Variants in G3BP2 observed in about 807,000 individuals in gnomAD.
G3BP2 encodes the protein G3BP stress granule assembly factor 2, also known as ras GTPase-activating protein-binding protein 2.
G3BP2 carries 11 observed loss-of-function variants against 56.7 expected under a neutral mutation model. That is an observed-to-expected ratio of 0.19 (90% CI 0.12 to 0.32). The LOEUF is 0.32. Ranked by LOEUF, G3BP2 falls within the 10% of genes least tolerant of loss-of-function variation. The probability of loss-of-function intolerance (pLI) is 1.00; values close to 1 mark genes in which losing one functional copy is unlikely to be tolerated. For synonymous variants in G3BP2, 165 were observed against 191.6 expected (o/e 0.86, Z 1.15); for missense variants, 340 against 610.9 (o/e 0.56, Z 4.67).
In G3BP2 at chr4:75,643,082, G is replaced by C. The variant is rs1730959468; in HGVS notation, c.*2348C>G. 6.6e-6 allele frequency: 1 copy of C among 152,264 alleles called. No homozygotes were observed. Among genetic ancestry groups the C allele is most frequent in the African/African-American group, 2.4e-5 (1 of 41,350 alleles). 9.4% of individuals were successfully genotyped at this position (152,264 alleles called of 1,614,324 possible). On this transcript the variant is annotated 3_prime_UTR_variant, in exon 12 of 12. Transcript: ENST00000359707. ...TATTTTTACTCTGTTTCACTGAAAA[G>C]AGGACAAAATGTTAAAACTCCACAG...
At chr4:75,706,326 G>C (rs1212878566) in intron 3 of G3BP2, among the ~76,000 whole-genome samples, 1 of 152,096 alleles carries the variant, frequency 6.6e-6, no homozygotes, top group South Asian at 2.1e-4. Context: ...TGATCCTCCC[G>C]CCTTGGCCTC....
At chr4:75,655,449 A>T (rs1465008737) in intron 6 of G3BP2, among the ~76,000 whole-genome samples, 1 of 152,214 alleles carries the variant, frequency 6.6e-6, no homozygotes, top group Non-Finnish European at 1.5e-5. Flanking sequence ...CCACCATTTC[A>T]AAACTGAATT....
chr4:75,643,231 T>C lies in G3BP2; in HGVS notation c.*2199A>G, dbSNP rs930966791. On this transcript the variant is annotated 3_prime_UTR_variant, in exon 12 of 12. Transcript: ENST00000359707. ...ACTTTTCTATTATTACACTTAACAT[T>C]TGTCATTACTTTTGGTGCCAGAACA... 3.4e-5 allele frequency: 5 copies of C among 148,430 alleles called. No individual in the cohort carries two copies. The highest frequency in any genetic ancestry group is 1.5e-5 in the Non-Finnish European group (1 of 67,012). 9.2% of individuals were successfully genotyped at this position (148,430 alleles called of 1,614,324 possible). A position where few individuals can be genotyped will look rare whatever the true frequency, so the allele number is the denominator to read the frequency against.
chr4:75,687,101 C>T (rs554666138), intron 3 of G3BP2, among the ~76,000 whole-genome samples: 91 of 152,072 alleles, frequency 6.0e-4, no homozygotes, highest in African/African-American at 2.1e-3. Flanking sequence ...TACATAAAAG[C>T]AGTATTTTTT....
At chr4:75,656,292 C>A (rs1732108776) in intron 5 of G3BP2, among the ~76,000 whole-genome samples, 1 of 58,648 alleles carries the variant, frequency 1.7e-5, no homozygotes, top group Admixed American at 1.3e-4. Context: ...GCGCTCGGCT[C>A]CAATTTTTTT....
chr4:75,673,246 T>A lies in G3BP2; in HGVS notation c.-63A>T, dbSNP rs903361252. 23 of 1,219,970 alleles carry A rather than the reference T, an allele frequency of 1.9e-5. No individual in the cohort carries two copies. In the South Asian group the frequency reaches 9.0e-4, roughly 48 times the overall value. The allele number at this position is 1,219,970 out of a possible 1,614,324, so 75.6% of individuals were successfully genotyped here. On this transcript the variant is annotated 5_prime_UTR_variant, in exon 1 of 12. Transcript: ENST00000359707. ...CGGCGGCGGGTACGTCGCGCGGAGG[T>A]CAGAAGAGTCGCTGAGGACCGGGTG...
At chr4:75,674,711 TATATA>T (rs1189080315), upstream of G3BP2, among the ~76,000 whole-genome samples, 1,307 of 48,772 alleles carry the variant, frequency 0.027, 23 homozygotes, top group African/African-American at 0.082. Context: ...TATATATATA[TATATA>T]TATTTTTTTT....
intron 10 of G3BP2, among the ~76,000 whole-genome samples, chr4:75,646,749 C>T (rs1414874022): frequency 6.6e-6 from 1 of 151,988 alleles, no homozygotes; most frequent in Admixed American, 6.6e-5. Flanking sequence ...ATATATTGAC[C>T]CATTTGCCAA....
chr4:75,723,446 GAGA>G (rs887323327), intron 1 of G3BP2, among the ~76,000 whole-genome samples: 7 of 152,316 alleles, frequency 4.6e-5, no homozygotes, highest in Admixed American at 4.6e-4. Flanking sequence ...GAGAAATGAT[GAGA>G]AGAACATAAT....
At chr4:75,711,429 G>C (rs960871967) in intron 3 of G3BP2, among the ~76,000 whole-genome samples, 4 of 151,226 alleles carry the variant, frequency 2.6e-5, no homozygotes, top group Non-Finnish European at 5.9e-5. Flanking sequence ...ATAAAGGAAA[G>C]GGGCAGGGCA....
intron 1 of G3BP2, among the ~76,000 whole-genome samples, chr4:75,672,148 A>C (rs1733536348): frequency 6.6e-6 from 1 of 152,190 alleles, no homozygotes. Flanking sequence ...TTCCAGCTAA[A>C]AGTGCAAGTG....
At position 75,659,940 on chromosome 4, in the gene G3BP2, C is replaced by A. The variant is rs532442081; in HGVS notation, c.96-1016G>T. Among the ~76,000 whole-genome samples the A allele has an allele frequency of 2.0e-5, 3 of 152,280 alleles. No homozygotes were observed. The South Asian group carries it at 6.2e-4, about 32-fold the overall frequency. On this transcript the variant is annotated intron_variant, in intron 2 of 11. Transcript: ENST00000359707. Reference sequence around the variant, plus strand: ...TACACATGAAAAGCCTCAGAATGATCATCTCTTTGATGCATTAATTCTTCC... The same window carrying A: ...TACACATGAAAAGCCTCAGAATGATAATCTCTTTGATGCATTAATTCTTCC...
At position 75,658,984 on chromosome 4, in the gene G3BP2, T is replaced by C. The variant is rs1470073088; in HGVS notation, c.96-60A>G. The C allele has an allele frequency of 3.9e-6, 5 of 1,286,318 alleles. 1 individual carries two copies. In the Middle Eastern group the frequency reaches 5.5e-4, roughly 142 times the overall value. The allele number at this position is 1,286,318 out of a possible 1,614,324, so 79.7% of individuals were successfully genotyped here. On this transcript the variant is annotated intron_variant, in intron 2 of 11. Transcript: ENST00000359707. ...GTCAAGAGAAGCCTAAGAAGCAGAA[T>C]TCTGGTGTCATAGACTAGGTTCCGG... is the stretch of plus-strand genomic sequence containing the variant.
intron 3 of G3BP2, among the ~76,000 whole-genome samples, chr4:75,697,937 C>G (rs1719189450): frequency 6.6e-6 from 1 of 151,604 alleles, no homozygotes; most frequent in Non-Finnish European, 1.5e-5. Context: ...TCATCTCAAA[C>G]AAACAAACAA....
chr4:75,651,065 A>C (rs1578382155), intron 8 of G3BP2, among the ~76,000 whole-genome samples: 1 of 152,242 alleles, frequency 6.6e-6, no homozygotes, highest in Non-Finnish European at 1.5e-5. Flanking sequence ...TTGGGGTTTA[A>C]TTCTATATAA....
chr4:75,673,488 T>A, upstream of G3BP2: 1 of 1,231,910 alleles, frequency 8.1e-7, no homozygotes, highest in Non-Finnish European at 1.0e-6. Context: ...GAGCACAGCG[T>A]CAGCCAATCA....
chr4:75,689,369 C>G (rs1578431297), intron 3 of G3BP2, among the ~76,000 whole-genome samples: 2 of 150,198 alleles, frequency 1.3e-5, no homozygotes, highest in Non-Finnish European at 3.0e-5. Flanking sequence ...GAGCAAGACT[C>G]CATCTCAAAA....
In G3BP2 at chr4:75,647,099, A is replaced by G. The variant is rs1268375646; in HGVS notation, c.987T>C (p.Asp329=). The part of the protein sequence containing the change: ...SDNRRIIRYP[D]SHQLFVGNLP... Reference sequence around the variant, plus strand: ...AGTTACCAACAAAAAGTTGATGACTATCTGGATAGCGAATTATTCTACGGT... The same window carrying G: ...AGTTACCAACAAAAAGTTGATGACTGTCTGGATAGCGAATTATTCTACGGT... The change falls in exon 10 of 12, where the codon GAT becomes GAC. Residue 329 remains aspartate (D), a synonymous_variant. Transcript: ENST00000359707. 1.9e-6 allele frequency: 3 copies of G among 1,596,786 alleles called. No individual in the cohort carries two copies. Among genetic ancestry groups the G allele is most frequent in the African/African-American group, 2.7e-5 (2 of 74,594 alleles).
chr4:75,694,904 A>T, intron 3 of G3BP2: 1 of 985,618 alleles, frequency 1.0e-6, no homozygotes, highest in Non-Finnish European at 1.2e-6. Flanking sequence ...AGATTTGGAC[A>T]GGAAGCGATA....
Sources: allele counts gnomAD v4.1 joint callset (sites outside exome capture counted in the v4.1 genomes callset), GRCh38; gene constraint gnomAD v4.1.1; transcripts MANE v1.5; gene names NCBI Gene and HGNC (gene_info 2026-07-23, HGNC 2026-07-21).